The following ADCYAP1R1 variants were observed in gnomAD, a reference collection of about 807,000 sequenced individuals.
ADCYAP1R1 encodes pituitary adenylate cyclase-activating polypeptide type I receptor.
Under a neutral mutation model 67.6 loss-of-function variants are expected in ADCYAP1R1, and 44 were observed. That is an observed-to-expected ratio of 0.65 (90% CI 0.51 to 0.84). ADCYAP1R1 has a LOEUF of 0.84. Ranked by LOEUF, ADCYAP1R1 falls within the 40% of genes least tolerant of loss-of-function variation. The pLI is 0.00. For synonymous variants in ADCYAP1R1, 222 were observed against 219.6 expected, an observed-to-expected ratio of 1.01 and a Z score of -0.10; for missense variants, 477 against 587.9, an observed-to-expected ratio of 0.81 and a Z score of 1.95.
intron 3 of ADCYAP1R1, among the ~76,000 whole-genome samples, chr7:31,071,732 G>A (rs181500300): frequency 4.6e-5 from 7 of 152,170 alleles, no homozygotes; most frequent in African/African-American, 1.2e-4. Flanking sequence ...ATCCATGTCC[G>A]TGGACTAAAT....
chr7:31,063,400 A>C (rs1794593491), intron 2 of ADCYAP1R1, 85 bp downstream of exon 2: 1 of 1,484,584 alleles, frequency 6.7e-7, no homozygotes, highest in African/African-American at 1.4e-5. Context: ...CTGTACCCTC[A>C]GCTCAGCTCT....
chr7:31,058,663 C>A (rs146490928), intron 1 of ADCYAP1R1, among the ~76,000 whole-genome samples: 1 of 152,154 alleles, frequency 6.6e-6, no homozygotes, highest in Non-Finnish European at 1.5e-5. Flanking sequence ...CTAACTCTTC[C>A]TAAGGAGGAA....
At chr7:31,077,551 G>A (rs1795309749) in intron 3 of ADCYAP1R1, among the ~76,000 whole-genome samples, 1 of 149,072 alleles carries the variant, frequency 6.7e-6, no homozygotes, top group African/African-American at 2.5e-5. Flanking sequence ...TGTAATGTGT[G>A]TGTGGTGCAT....
chr7:31,087,599 A>ATCTTGC (rs1795803933), intron 11 of ADCYAP1R1, 28 bp from the exon 12 acceptor site: 3 of 1,611,638 alleles, frequency 1.9e-6, no homozygotes, highest in Admixed American at 1.7e-5. Flanking sequence ...CACAGACGTG[A>ATCTTGC]TCTTGCTTCT....
At chr7:31,060,555 G>T (rs1210045586) in intron 1 of ADCYAP1R1, among the ~76,000 whole-genome samples, 1 of 151,902 alleles carries the variant, frequency 6.6e-6, no homozygotes, top group African/African-American at 2.4e-5. Flanking sequence ...TCTCCACCTT[G>T]TGTATCCCCA....
At chr7:31,066,806 G>T (rs187298972) in intron 3 of ADCYAP1R1, among the ~76,000 whole-genome samples, 37 of 152,334 alleles carry the variant, frequency 2.4e-4, no homozygotes, top group African/African-American at 7.9e-4. Context: ...TGAAGGTGGT[G>T]GAGAATTGAG....
intron 13 of ADCYAP1R1, among the ~76,000 whole-genome samples, chr7:31,098,167 G>A (rs1052401502): frequency 2.0e-5 from 3 of 152,146 alleles, no homozygotes; most frequent in Non-Finnish European, 2.9e-5. Context: ...CTCCCAAAGT[G>A]CTGGGATTAC....
chr7:31,077,248 T>G (rs56706006), intron 3 of ADCYAP1R1, among the ~76,000 whole-genome samples: 1,710 of 152,210 alleles, frequency 0.011, 34 homozygotes, highest in African/African-American at 0.039. Flanking sequence ...TGGGTGTGTG[T>G]GTACATGTGT....
chr7:31,077,302 A>G (rs1324535877), intron 3 of ADCYAP1R1, among the ~76,000 whole-genome samples: 3 of 149,078 alleles, frequency 2.0e-5, no homozygotes, highest in Admixed American at 1.3e-4. Context: ...TTCATGTGTG[A>G]TGTGTGTGGT....
chr7:31,089,682 T>C (rs952507584), intron 12 of ADCYAP1R1, among the ~76,000 whole-genome samples: 1 of 152,198 alleles, frequency 6.6e-6, no homozygotes, highest in South Asian at 2.1e-4. Context: ...ATCAGATTGC[T>C]CTCAATGAGC....
chr7:31,108,646 G>A lies in ADCYAP1R1; in HGVS notation c.*1962G>A, dbSNP rs1796736931. On this transcript the variant is annotated 3_prime_UTR_variant, in exon 16 of 16. Transcript: ENST00000304166. ...TTTGTGAGATGAGGCAACTTCCAAT[G>A]CTTCTCTAGGCCCTGCACGTAAGTG... 6.6e-6 allele frequency: 1 copy of A among 152,202 alleles called. No homozygotes were observed. Among genetic ancestry groups the A allele is most frequent in the Non-Finnish European group, 1.5e-5 (1 of 68,058 alleles). 9.4% of individuals were successfully genotyped at this position (152,202 alleles called of 1,614,324 possible). A position where few individuals can be genotyped will look rare whatever the true frequency, so the allele number is the denominator to read the frequency against.
intron 14 of ADCYAP1R1, 143 bp from the exon 15 acceptor site, chr7:31,104,725 C>A: frequency 1.1e-6 from 1 of 912,716 alleles, no homozygotes; most frequent in Non-Finnish European, 1.8e-6. Flanking sequence ...AGAACTGTCC[C>A]ATCTTACCCC....
In ADCYAP1R1 at chr7:31,096,777, G is replaced by A. The variant is rs566870695; in HGVS notation, c.1046+4042G>A. 3.3e-5 allele frequency among the ~76,000 whole-genome samples: 5 copies of A among 152,226 alleles called. No individual in the cohort carries two copies. In the East Asian group the frequency reaches 9.7e-4, roughly 29 times the overall value. On this transcript the variant is annotated intron_variant, in intron 13 of 15. Coordinates refer to ENST00000304166, the MANE Select transcript of ADCYAP1R1 (RefSeq NM_001118.5). Reference sequence around the variant, plus strand: ...TTCGAGGACTGGGCAGGGCTCCGGGGGTGCACAGCATCTTAGCATCAGGAG... The same window carrying A: ...TTCGAGGACTGGGCAGGGCTCCGGGAGTGCACAGCATCTTAGCATCAGGAG...
chr7:31,086,550 C>T lies in ADCYAP1R1; in HGVS notation c.823+13C>T. ...ATCATTGGCTGGGGTAGGTTCCTGG[C>T]TGTGGCTTGGACAGGTTCAGGTCCC... On this transcript the variant is annotated intron_variant, in intron 10 of 15. Transcript: ENST00000304166. The surrounding 1 kb of genome is among the most constrained non-coding windows in gnomAD (Gnocchi z 5.0). 1 of 1,614,082 alleles carries T rather than the reference C, an allele frequency of 6.2e-7. No homozygotes were observed. Among genetic ancestry groups the T allele is most frequent in the Non-Finnish European group, 8.5e-7 (1 of 1,179,942 alleles).
intron 4 of ADCYAP1R1, among the ~76,000 whole-genome samples, chr7:31,078,872 T>C (rs564483016): frequency 6.6e-6 from 1 of 152,174 alleles, no homozygotes; most frequent in African/African-American, 2.4e-5. Context: ...GGGTGTGCGA[T>C]GGCGCCTCCC....
Position 31,084,227 on chromosome 7 carries a change from T to C in ADCYAP1R1, c.415T>C (p.Tyr139His), listed in dbSNP as rs1438981835. Residue 139 changes from tyrosine (Y) to histidine (H), a missense_variant, in exon 7 of 16, where the codon TAT becomes CAT. By Grantham distance (83) the Tyr-to-His change is moderately conservative. Transcript: ENST00000304166. ...HYFDACGFDE[Y>H]ESETGDQDYY... The stretch of plus-strand genomic sequence containing the variant: ...CTTTGATGCCTGTGGGTTTGATGAA[T>C]ATGAATCTGAGACTGGGGACCAGGT... 4 of 1,614,060 alleles carry C rather than the reference T, an allele frequency of 2.5e-6. No individual in the cohort carries two copies. Among genetic ancestry groups the C allele is most frequent in the Non-Finnish European group, 3.4e-6 (4 of 1,180,010 alleles).
chr7:31,064,752 T>A, intron 2 of ADCYAP1R1, 79 bp from the exon 3 acceptor site: 1 of 1,178,536 alleles, frequency 8.5e-7, no homozygotes, highest in Non-Finnish European at 1.2e-6. Flanking sequence ...CCCAAGACAC[T>A]GCCCCTGGGG....
Position 31,108,558 on chromosome 7 carries a change from G to T in ADCYAP1R1, c.*1874G>T, listed in dbSNP as rs1796732098. On this transcript the variant is annotated 3_prime_UTR_variant, in exon 16 of 16. Transcript: ENST00000304166. The stretch of plus-strand genomic sequence containing the variant: ...GTTCAGGGAACTAGACTCTATCCCA[G>T]TTGGGTTCAGACTGCTGTGACTGTG... 1 of 152,262 alleles carries T rather than the reference G, an allele frequency of 6.6e-6. No individual in the cohort carries two copies. The highest frequency in any genetic ancestry group is 2.4e-5 in the African/African-American group (1 of 41,448). The allele number at this position is 152,262 out of a possible 1,614,324, so 9.4% of individuals were successfully genotyped here.
Position 31,064,811 on chromosome 7 carries a change from C to T in ADCYAP1R1, c.52-20C>T, listed in dbSNP as rs1267282887. On this transcript the variant is annotated intron_variant, in intron 2 of 15. Transcript: ENST00000304166. Reference sequence around the variant, plus strand: ...GGGCCTCCTACCCGCTCCCACCATCCATCCTGTGTTCTCCTACAGGCCCCT... The same window carrying T: ...GGGCCTCCTACCCGCTCCCACCATCTATCCTGTGTTCTCCTACAGGCCCCT... The T allele has an allele frequency of 3.8e-6, 6 of 1,592,304 alleles. No homozygotes were observed. Among genetic ancestry groups the T allele is most frequent in the Non-Finnish European group, 5.1e-6 (6 of 1,165,626 alleles).
Sources: allele counts gnomAD v4.1 joint callset (sites outside exome capture counted in the v4.1 genomes callset), GRCh38; gene constraint gnomAD v4.1.1; non-coding constraint Gnocchi (gnomAD v3.1); transcripts MANE v1.5; gene names NCBI Gene and HGNC (gene_info 2026-07-23, HGNC 2026-07-21).